The following HNF1B variants were observed in gnomAD, a reference collection of about 807,000 sequenced individuals.
HNF1B encodes the protein HNF1 homeobox B, also known as hepatocyte nuclear factor 1-beta.
HNF1B carries 8 observed loss-of-function variants against 61.7 expected under a neutral mutation model. The ratio of observed to expected loss-of-function variants is 0.13; its 90% confidence interval spans 0.08 to 0.23. The LOEUF (loss-of-function observed/expected upper bound fraction) is 0.23. HNF1B is among the 10% of genes least tolerant of loss of function. The probability of loss-of-function intolerance (pLI) is 1.00; values close to 1 mark genes in which losing one functional copy is unlikely to be tolerated. For synonymous variants in HNF1B, 314 were observed against 287.7 expected (o/e 1.09, Z -0.93); for missense variants, 562 against 714.5 (o/e 0.79, Z 2.43).
intron 8 of HNF1B, among the ~76,000 whole-genome samples, chr17:37,693,064 C>A (rs967256744): frequency 6.6e-6 from 1 of 151,842 alleles, no homozygotes; most frequent in Non-Finnish European, 1.5e-5. Flanking sequence ...GTGGCCTGTG[C>A]CTGTAGTTCC....
At chr17:37,737,066 G>A (rs920693312) in intron 2 of HNF1B, among the ~76,000 whole-genome samples, 8 of 152,170 alleles carry the variant, frequency 5.3e-5, no homozygotes, top group African/African-American at 1.4e-4. Flanking sequence ...GTGTAGAGGG[G>A]CCCATGAATA....
At chr17:37,743,649 G>C (rs984140131) in intron 1 of HNF1B, among the ~76,000 whole-genome samples, 1 of 152,216 alleles carries the variant, frequency 6.6e-6, no homozygotes, top group African/African-American at 2.4e-5. Context: ...TGCTGTCTCA[G>C]GGAACCGCTC....
chr17:37,717,706 C>A (rs981138265), intron 4 of HNF1B, among the ~76,000 whole-genome samples: 3 of 152,096 alleles, frequency 2.0e-5, no homozygotes, highest in African/African-American at 4.8e-5. Context: ...TTCTGAGAGG[C>A]CCATTTGGAA....
intron 5 of HNF1B, among the ~76,000 whole-genome samples, chr17:37,706,827 TAAA>T (rs1462322603): frequency 6.6e-6 from 1 of 152,216 alleles, no homozygotes; most frequent in African/African-American, 2.4e-5. Flanking sequence ...AGGCCAATGA[TAAA>T]AATAATTTAA....
intron 4 of HNF1B, among the ~76,000 whole-genome samples, chr17:37,726,055 C>G (rs1385185028): frequency 6.6e-6 from 1 of 152,152 alleles, no homozygotes; most frequent in Non-Finnish European, 1.5e-5. Flanking sequence ...CCTTACCCCA[C>G]CTCTTTGGCC....
intron 3 of HNF1B, 74 bp from the exon 4 acceptor site, chr17:37,731,904 C>G: frequency 1.0e-6 from 1 of 965,866 alleles, no homozygotes; most frequent in Admixed American, 1.8e-5. Context: ...CAAAAACACA[C>G]AATCACAGCA....
At chr17:37,727,712 C>T (rs945180350) in intron 4 of HNF1B, among the ~76,000 whole-genome samples, 48 of 152,104 alleles carry the variant, frequency 3.2e-4, no homozygotes, top group Non-Finnish European at 5.9e-5. Context: ...AGGGTCACAC[C>T]GTGGTCATCG....
At chr17:37,742,150 C>CA (rs1315898156) in intron 1 of HNF1B, among the ~76,000 whole-genome samples, 2 of 152,140 alleles carry the variant, frequency 1.3e-5, no homozygotes, top group African/African-American at 4.8e-5. Context: ...CGCTCCTTCT[C>CA]AAACAATGAC....
At chr17:37,708,495 AAGG>A (rs931988425) in intron 5 of HNF1B, among the ~76,000 whole-genome samples, 8 of 152,148 alleles carry the variant, frequency 5.3e-5, no homozygotes, top group African/African-American at 1.9e-4. Context: ...TGCCTCTTAG[AAGG>A]AGGAGAGGCA....
chr17:37,712,130 C>A (rs1000124219), intron 4 of HNF1B, among the ~76,000 whole-genome samples: 11 of 152,228 alleles, frequency 7.2e-5, no homozygotes, highest in African/African-American at 2.7e-4. Context: ...TTCTAACCTT[C>A]AAGAGCAACT....
chr17:37,687,441 T>C (rs1213548333), intron 8 of HNF1B, 49 bp from the exon 9 acceptor site: 2 of 1,431,800 alleles, frequency 1.4e-6, no homozygotes, highest in Non-Finnish European at 2.0e-6. Flanking sequence ...TTTGGCAGGG[T>C]CATGGGCCAT....
intron 5 of HNF1B, among the ~76,000 whole-genome samples, chr17:37,705,421 A>G (rs1410883826): frequency 1.3e-5 from 2 of 152,236 alleles, no homozygotes; most frequent in East Asian, 1.9e-4. Flanking sequence ...TGGTGCATCT[A>G]TTGTTGACTG....
At chr17:37,743,625 G>A (rs1243007548) in intron 1 of HNF1B, among the ~76,000 whole-genome samples, 2 of 152,198 alleles carry the variant, frequency 1.3e-5, no homozygotes, top group African/African-American at 4.8e-5. Flanking sequence ...AAGCGGAGTG[G>A]CCCGGGAGCG....
At chr17:37,717,022 G>A (rs955478995) in intron 4 of HNF1B, among the ~76,000 whole-genome samples, 1 of 152,148 alleles carries the variant, frequency 6.6e-6, no homozygotes, top group Non-Finnish European at 1.5e-5. Flanking sequence ...AGATGCACTG[G>A]TTCTGCTGGG....
rs1204310134 is a variant in HNF1B at position 37,744,614 on chromosome 17, T to C, written c.271A>G (p.Ile91Val). The C allele has an allele frequency of 6.2e-7, 1 of 1,610,536 alleles. No homozygotes were observed. The highest frequency in any genetic ancestry group is 2.2e-5 in the East Asian group (1 of 44,868). Residue 91 changes from isoleucine to valine, a missense_variant, in exon 1 of 9, where the codon ATC becomes GTC. Around this residue, in one of 6 missense-constraint regions of HNF1B, gnomAD observed 148 missense variants for 147.3 expected, o/e 1.00. Transcript: ENST00000617811. ...EDGDDYDTPP[I>V]LKELQALNTE... Reference sequence around the variant, plus strand: ...TTGAGCGCCTGCAGCTCCTTGAGGATGGGAGGTGTGTCATAGTCGTCGCCG... The same window carrying C: ...TTGAGCGCCTGCAGCTCCTTGAGGACGGGAGGTGTGTCATAGTCGTCGCCG...
chr17:37,732,076 C>T (rs1316674900), intron 3 of HNF1B, among the ~76,000 whole-genome samples: 2 of 152,174 alleles, frequency 1.3e-5, no homozygotes, highest in African/African-American at 2.4e-5. Flanking sequence ...GAGTCAGGGG[C>T]TTAGGCTCTG....
chr17:37,711,688 G>C (rs2032941096), intron 4 of HNF1B, among the ~76,000 whole-genome samples: 1 of 152,216 alleles, frequency 6.6e-6, no homozygotes, highest in Non-Finnish European at 1.5e-5. Context: ...GAAAGACAGT[G>C]TTCTTGTTTT....
chr17:37,686,582 C>T lies in HNF1B; in HGVS notation c.*790G>A, dbSNP rs1174337847. On this transcript the variant is annotated 3_prime_UTR_variant, in exon 9 of 9. Coordinates refer to ENST00000617811, the MANE Select transcript of HNF1B (RefSeq NM_000458.4). ...AGGAAGCTGGCATGTTACTCTGACA[C>T]ACTACATTCAGCCCCTCCAGGGATC... 1.3e-5 allele frequency: 2 copies of T among 153,250 alleles called. No individual in the cohort carries two copies. The highest frequency in any genetic ancestry group is 2.4e-5 in the African/African-American group (1 of 41,442). 9.5% of individuals were successfully genotyped at this position (153,250 alleles called of 1,614,324 possible).
chr17:37,690,903 C>T (rs150399061), intron 8 of HNF1B, among the ~76,000 whole-genome samples: 44 of 152,288 alleles, frequency 2.9e-4, no homozygotes, highest in African/African-American at 1.0e-3. Context: ...GAACCATCGG[C>T]GTGTACACTT....
Sources: gnomAD v4.1 joint callset for allele counts (sites outside exome capture counted in the v4.1 genomes callset) on GRCh38, gnomAD v4.1.1 for gene constraint, gnomAD v4.1.1 regional missense constraint, MANE v1.5 for transcripts, NCBI Gene and HGNC (gene_info 2026-07-23, HGNC 2026-07-21) for gene names.